GREB1L: variants seen among roughly 807,000 people sequenced by gnomAD.
GREB1L encodes the protein GREB1 like retinoic acid receptor coactivator.
A neutral mutation model predicts 200.8 loss-of-function variants in GREB1L; 17 were observed. The observed-to-expected ratio is 0.08, with a 90% CI of 0.06 to 0.13. The LOEUF is 0.13. Ranked by LOEUF, GREB1L falls within the 10% of genes least tolerant of loss-of-function variation. The pLI is 1.00. For missense variants in GREB1L, 1,657 were observed against 2,367.7 expected (o/e 0.70, Z 6.23); for synonymous variants, 789 against 893.0 (o/e 0.88, Z 2.08).
intron 7 of GREB1L, among the ~76,000 whole-genome samples, chr18:21,425,442 A>G (rs1037886217): frequency 6.6e-6 from 1 of 152,208 alleles, no homozygotes; most frequent in African/African-American, 2.4e-5. Flanking sequence ...GGGTCATATG[A>G]TAACTCTATG....
At chr18:21,387,842 A>G (rs1344538288) in intron 4 of GREB1L, among the ~76,000 whole-genome samples, 3 of 152,166 alleles carry the variant, frequency 2.0e-5, no homozygotes, top group Non-Finnish European at 4.4e-5. Flanking sequence ...TTAGCTATCC[A>G]CTCTTTTTTA....
chr18:21,344,403 A>AAACAACAAC (rs146104394), intron 1 of GREB1L, among the ~76,000 whole-genome samples: 2,432 of 150,324 alleles, frequency 0.016, 68 homozygotes, highest in African/African-American at 0.056. Context: ...TCTGTCTCAA[A>AAACAACAAC]AACAACAACA....
chr18:21,436,751 C>T (rs1206591899), intron 7 of GREB1L, among the ~76,000 whole-genome samples: 1 of 151,308 alleles, frequency 6.6e-6, no homozygotes, highest in East Asian at 2.0e-4. Context: ...CTCTCTGTCA[C>T]CCAGGCTGGA....
At chr18:21,338,095 C>T (rs1400163182) in intron 1 of GREB1L, among the ~76,000 whole-genome samples, 3 of 152,200 alleles carry the variant, frequency 2.0e-5, no homozygotes, top group African/African-American at 7.2e-5. Context: ...TGATCTCTCT[C>T]TTAATCCAAA....
intron 1 of GREB1L, among the ~76,000 whole-genome samples, chr18:21,260,609 G>A (rs1318511525): frequency 1.3e-5 from 2 of 151,906 alleles, no homozygotes; most frequent in African/African-American, 2.4e-5. Context: ...ATTCTGTTTT[G>A]TCTTAGGTGT....
At chr18:21,371,708 T>C (rs1273708690) in intron 2 of GREB1L, among the ~76,000 whole-genome samples, 1 of 147,902 alleles carries the variant, frequency 6.8e-6, no homozygotes, top group Non-Finnish European at 1.5e-5. Context: ...GGCATGAACC[T>C]GGGAGGCGGA....
intron 13 of GREB1L, 129 bp downstream of exon 13, chr18:21,451,280 A>T (rs781094825): frequency 1.8e-4 from 186 of 1,037,326 alleles, no homozygotes; most frequent in Non-Finnish European, 2.0e-4. Context: ...GAAATGGTTT[A>T]TCCTAAGTAT....
At chr18:21,386,336 G>T (rs2040537335) in intron 4 of GREB1L, among the ~76,000 whole-genome samples, 1 of 152,086 alleles carries the variant, frequency 6.6e-6, no homozygotes, top group Non-Finnish European at 1.5e-5. Context: ...GTGTTGCCCA[G>T]GCTGGAGTGC....
chr18:21,500,345 G>C lies in GREB1L; in HGVS notation c.3969+39G>C, dbSNP rs547234285. 4 of 933,100 alleles carry C rather than the reference G, an allele frequency of 4.3e-6. No homozygotes were observed. The Admixed American group carries it at 8.6e-5, about 20-fold the overall frequency. The allele number at this position is 933,100 out of a possible 1,614,324, so 57.8% of individuals were successfully genotyped here. On this transcript the variant is annotated intron_variant, in intron 22 of 32. Coordinates refer to ENST00000424526, the MANE Select transcript of GREB1L (RefSeq NM_001142966.3). Reference sequence around the variant, plus strand: ...AGCCGGGGCCGTTTCTTAGGCTGGGGTTGGCGCGTCTTCCTCAAGAAGTAG... The same window carrying C: ...AGCCGGGGCCGTTTCTTAGGCTGGGCTTGGCGCGTCTTCCTCAAGAAGTAG...
chr18:21,355,074 T>C (rs1229851135), intron 1 of GREB1L, among the ~76,000 whole-genome samples: 2 of 152,198 alleles, frequency 1.3e-5, no homozygotes, highest in Admixed American at 6.5e-5. Context: ...TCCACAGAGC[T>C]GCTTTAGTGT....
chr18:21,488,588 G>A (rs1219284168), intron 18 of GREB1L, among the ~76,000 whole-genome samples: 2 of 152,174 alleles, frequency 1.3e-5, no homozygotes, highest in Non-Finnish European at 2.9e-5. Context: ...TATTCTACCA[G>A]GCTCCATGAG....
intron 1 of GREB1L, among the ~76,000 whole-genome samples, chr18:21,275,007 C>T (rs957585714): frequency 3.3e-5 from 5 of 151,896 alleles, no homozygotes; most frequent in African/African-American, 9.7e-5. Flanking sequence ...TTTGAGAGGC[C>T]GAGGTGGGCC....
chr18:21,490,298 G>T lies in GREB1L; in HGVS notation c.2977G>T (p.Gly993Trp). ...GCAGTATCGGTTTGAGATCATCCTT[G>T]GGAACCCGGCCACCGAACTCAGTGT... ...GLQYRFEIIL[G>W]NPATELSVAT... The change falls in exon 19 of 33, where the codon GGG becomes TGG. Residue 993 changes from glycine (G) to tryptophan (W), a missense_variant. Gly to Trp is a radical substitution (Grantham distance 184). Transcript: ENST00000424526. The T allele has an allele frequency of 1.9e-6, 3 of 1,551,884 alleles. No homozygotes were observed. The highest frequency in any genetic ancestry group is 1.2e-5 in the South Asian group (1 of 84,052).
chr18:21,405,656 C>G (rs1291108365), intron 7 of GREB1L, among the ~76,000 whole-genome samples: 1 of 152,144 alleles, frequency 6.6e-6, no homozygotes, highest in Non-Finnish European at 1.5e-5. Flanking sequence ...CAAAAATTAG[C>G]TGGGCATGGT....
At chr18:21,449,042 A>G (rs981905365) in intron 11 of GREB1L, among the ~76,000 whole-genome samples, 1 of 152,278 alleles carries the variant, frequency 6.6e-6, no homozygotes, top group Non-Finnish European at 1.5e-5. Context: ...AATTAGGCTT[A>G]GAAGCAACAC....
chr18:21,517,572 A>T (rs2037463574), intron 30 of GREB1L, among the ~76,000 whole-genome samples: 1 of 152,202 alleles, frequency 6.6e-6, no homozygotes, highest in African/African-American at 2.4e-5. Context: ...GAAGTTTCTT[A>T]AAAGATAGTA....
chr18:21,343,730 A>ATTTTT (rs36120644), intron 1 of GREB1L, among the ~76,000 whole-genome samples: 5 of 114,948 alleles, frequency 4.3e-5, no homozygotes, highest in East Asian at 2.3e-4. Flanking sequence ...GAGAAGAGAG[A>ATTTTT]TTTTTTTTTT....
At chr18:21,378,957 A>G (rs970709075) in intron 2 of GREB1L, among the ~76,000 whole-genome samples, 7 of 151,666 alleles carry the variant, frequency 4.6e-5, no homozygotes, top group Non-Finnish European at 1.0e-4. Flanking sequence ...GCAACCTCCA[A>G]CTCCTGAGCT....
rs2037625345 is a variant in GREB1L, at chr18:21,522,743, C to A, written c.5694C>A (p.Phe1898Leu). ...TAGAGCTAGAAGATGAGTGGCAGTT[C>A]CGCCTCCGGGACGAGTTTCAAACTG... Reference protein sequence around the residue: ...VRLELEDEWQFRLRDEFQTAN... With the variant: ...VRLELEDEWQLRLRDEFQTAN... The change falls in exon 33 of 33, where the codon TTC becomes TTA. Residue 1898 changes from phenylalanine (F) to leucine (L), a missense_variant. By Grantham distance (22) the Phe-to-Leu change is conservative. Transcript: ENST00000424526. 1.9e-6 allele frequency: 3 copies of A among 1,551,660 alleles called. No homozygotes were observed. The highest frequency in any genetic ancestry group is 2.6e-6 in the Non-Finnish European group (3 of 1,146,948).
Sources: gnomAD v4.1 joint callset for allele counts (sites outside exome capture counted in the v4.1 genomes callset) on GRCh38, gnomAD v4.1.1 for gene constraint, MANE v1.5 for transcripts, NCBI Gene and HGNC (gene_info 2026-07-23, HGNC 2026-07-21) for gene names.